The following SNRPD1 variants were observed in gnomAD, a reference collection of about 807,000 sequenced individuals.
SNRPD1 encodes the protein small nuclear ribonucleoprotein D1 polypeptide, also known as small nuclear ribonucleoprotein Sm D1.
In SNRPD1, 1 loss-of-function variant was observed where a neutral mutation model predicts 14.4. That is an observed-to-expected ratio of 0.07 (90% CI 0.02 to 0.33). The LOEUF (loss-of-function observed/expected upper bound fraction) is 0.33. Among genes scored for constraint, SNRPD1 ranks in the 10% least tolerant of loss-of-function variants. The pLI is 1.00. For synonymous variants in SNRPD1, 42 were observed against 50.3 expected (o/e 0.83, Z 0.70); for missense variants, 52 against 146.4 (o/e 0.36, Z 3.33).
chr18:21,625,316 A>ATTTTTTTTTTTTTTT lies in SNRPD1; in HGVS notation c.283+1380_283+1394dup, dbSNP rs144395165. On this transcript the variant is annotated intron_variant, in intron 3 of 3. Transcript: ENST00000300413. ...TCTATTTAAAATTTTGTTGAAAAAA[A>ATTTTTTTTTTTTTTT]TTTTTTTTTTTTTTTTTGAGATGGA... is the stretch of plus-strand genomic sequence containing the variant. Among the ~76,000 whole-genome samples, 253 of 108,996 alleles carry ATTTTTTTTTTTTTTT rather than the reference A, an allele frequency of 2.3e-3. 18 individuals are homozygous for ATTTTTTTTTTTTTTT. The highest frequency in any genetic ancestry group is 7.5e-3 in the African/African-American group (151 of 20,048). 71.5% of individuals were successfully genotyped at this position (108,996 alleles called of 152,430 possible).
At position 21,629,285 on chromosome 18, in the gene SNRPD1, C is replaced by T. The variant is rs1319939259; in HGVS notation, c.*147C>T. On this transcript the variant is annotated 3_prime_UTR_variant, in exon 4 of 4. Transcript: ENST00000300413. ...GTTTTAGTAGTTTCCTCCACATTCACGAAATTACCACAGTGAGAGCTAAGC... is the reference window on the plus strand; with the variant it reads ...GTTTTAGTAGTTTCCTCCACATTCATGAAATTACCACAGTGAGAGCTAAGC... The T allele has an allele frequency of 2.1e-5, 13 of 615,074 alleles. No homozygotes were observed. Among genetic ancestry groups the T allele is most frequent in the Middle Eastern group, 4.8e-4 (1 of 2,102 alleles). 38.1% of individuals were successfully genotyped at this position (615,074 alleles called of 1,614,324 possible).
rs144395165 is a variant in SNRPD1 at position 21,625,316 on chromosome 18, A to ATTTTTTTTT, written c.283+1386_283+1394dup. ...TCTATTTAAAATTTTGTTGAAAAAA[A>ATTTTTTTTT]TTTTTTTTTTTTTTTTTGAGATGGA... On this transcript the variant is annotated intron_variant, in intron 3 of 3. Coordinates refer to ENST00000300413, the MANE Select transcript of SNRPD1 (RefSeq NM_006938.4). 6.9e-3 allele frequency among the ~76,000 whole-genome samples: 747 copies of ATTTTTTTTT among 108,998 alleles called. 61 individuals are homozygous for ATTTTTTTTT. The highest frequency in any genetic ancestry group is 0.034 in the African/African-American group (678 of 19,988). The allele number at this position is 108,998 out of a possible 152,430, so 71.5% of individuals were successfully genotyped here.
chr18:21,621,037 G>A (rs537370297), intron 1 of SNRPD1, among the ~76,000 whole-genome samples: 3 of 151,884 alleles, frequency 2.0e-5, no homozygotes, highest in Non-Finnish European at 4.4e-5. Context: ...GTGTGGTGGC[G>A]AGCGCCTGTA....
In SNRPD1 at chr18:21,633,496, CTG is replaced by C. The variant is rs1481834453; in HGVS notation, c.*4361_*4362del. The C allele has an allele frequency of 2.0e-5, 3 of 151,976 alleles. No individual in the cohort carries two copies. Among genetic ancestry groups the C allele is most frequent in the African/African-American group, 7.2e-5 (3 of 41,384 alleles). 9.4% of individuals were successfully genotyped at this position (151,976 alleles called of 1,614,324 possible). ...TTATTAATGTGAAATTCTTGTGGATCTGTGAAATAAAGAGGAGTACTTTCTTT... is the reference window on the plus strand; with the variant it reads ...TTATTAATGTGAAATTCTTGTGGATCTGAAATAAAGAGGAGTACTTTCTTT... On this transcript the variant is annotated 3_prime_UTR_variant, in exon 4 of 4. Coordinates refer to ENST00000300413, the MANE Select transcript of SNRPD1 (RefSeq NM_006938.4).
intron 1 of SNRPD1, among the ~76,000 whole-genome samples, chr18:21,621,028 T>C (rs1480242421): frequency 6.0e-5 from 9 of 150,564 alleles, no homozygotes; most frequent in African/African-American, 2.2e-4. Flanking sequence ...ATTAGCCAGG[T>C]GTGGTGGCGA....
At chr18:21,621,520 C>G (rs2038997816) in intron 1 of SNRPD1, among the ~76,000 whole-genome samples, 2 of 152,172 alleles carry the variant, frequency 1.3e-5, no homozygotes, top group African/African-American at 4.8e-5. Context: ...CATGCCCCAG[C>G]CTTCCAAGTA....
rs767674119 is a variant in SNRPD1 at position 21,623,957 on chromosome 18, T to G, written c.283+18T>G. 7 of 1,521,932 alleles carry G rather than the reference T, an allele frequency of 4.6e-6. No homozygotes were observed. 94.3% of individuals were successfully genotyped at this position (1,521,932 alleles called of 1,614,324 possible). A position where few individuals can be genotyped will look rare whatever the true frequency, so the allele number is the denominator to read the frequency against. On this transcript the variant is annotated intron_variant, in intron 3 of 3. Coordinates refer to ENST00000300413, the MANE Select transcript of SNRPD1 (RefSeq NM_006938.4). Reference sequence around the variant, plus strand: ...GGAAGCTGGTAAGTTTGAAGGATTATAAACATTTTTGTGAATGCTAATCCT... The same window carrying G: ...GGAAGCTGGTAAGTTTGAAGGATTAGAAACATTTTTGTGAATGCTAATCCT...
chr18:21,629,006 T>A, intron 3 of SNRPD1, 56 bp from the exon 4 acceptor site: 1 of 1,295,084 alleles, frequency 7.7e-7, no homozygotes, highest in Non-Finnish European at 1.1e-6. Flanking sequence ...TTGTGGTGTC[T>A]AGGTAACATT....
At chr18:21,625,978 T>C (rs141257900) in intron 3 of SNRPD1, among the ~76,000 whole-genome samples, 54 of 152,328 alleles carry the variant, frequency 3.5e-4, no homozygotes, top group African/African-American at 1.3e-3. Flanking sequence ...TTTTTGTTCC[T>C]TTTCTATCAT....
At chr18:21,614,595 C>G (rs1185135050) in intron 1 of SNRPD1, among the ~76,000 whole-genome samples, 1 of 152,166 alleles carries the variant, frequency 6.6e-6, no homozygotes, top group African/African-American at 2.4e-5. Flanking sequence ...CTCACTGTCA[C>G]CCTAACCAAA....
Position 21,631,030 on chromosome 18 carries a change from C to T in SNRPD1, c.*1892C>T, listed in dbSNP as rs753556591. 2.6e-5 allele frequency: 4 copies of T among 151,420 alleles called. No homozygotes were observed. Among genetic ancestry groups the T allele is most frequent in the Middle Eastern group, 3.4e-3 (1 of 292 alleles). 9.4% of individuals were successfully genotyped at this position (151,420 alleles called of 1,614,324 possible). A position where few individuals can be genotyped will look rare whatever the true frequency, so the allele number is the denominator to read the frequency against. The stretch of plus-strand genomic sequence containing the variant: ...GTCATTGAAGTTATATAGTAATTAG[C>T]GTTTTTTCCCCCACAAATTATTGGC... On this transcript the variant is annotated 3_prime_UTR_variant, in exon 4 of 4. Coordinates refer to ENST00000300413, the MANE Select transcript of SNRPD1 (RefSeq NM_006938.4).
intron 1 of SNRPD1, among the ~76,000 whole-genome samples, chr18:21,615,337 C>T (rs750195465): frequency 6.6e-6 from 1 of 152,022 alleles, no homozygotes; most frequent in Non-Finnish European, 1.5e-5. Context: ...TATTTTAGGC[C>T]GGGCGCAGTG....
At position 21,631,350 on chromosome 18, in the gene SNRPD1, A is replaced by G. The variant is rs887678471; in HGVS notation, c.*2212A>G. On this transcript the variant is annotated 3_prime_UTR_variant, in exon 4 of 4. Transcript: ENST00000300413. ...TTTCACCATGTTGGCCAGACTTAAG[A>G]CAATTCTTTAATAGTAAATATATTA... 2 of 148,364 alleles carry G rather than the reference A, an allele frequency of 1.3e-5. No individual in the cohort carries two copies. The highest frequency in any genetic ancestry group is 2.5e-5 in the African/African-American group (1 of 40,056). The allele number at this position is 148,364 out of a possible 1,614,324, so 9.2% of individuals were successfully genotyped here.
intron 3 of SNRPD1, among the ~76,000 whole-genome samples, chr18:21,625,622 T>C (rs564235045): frequency 6.6e-6 from 1 of 151,618 alleles, no homozygotes; most frequent in Non-Finnish European, 1.5e-5. Context: ...AGCCGAAATC[T>C]TTTTTTGAGA....
intron 1 of SNRPD1, among the ~76,000 whole-genome samples, chr18:21,614,205 T>G (rs1445309622): frequency 6.6e-6 from 1 of 152,086 alleles, no homozygotes; most frequent in Non-Finnish European, 1.5e-5. Flanking sequence ...CCTGGGAGGT[T>G]GCAGTGAGCT....
chr18:21,622,982 A>G (rs1337057120), intron 2 of SNRPD1, among the ~76,000 whole-genome samples, 181 bp downstream of exon 2: 1 of 148,900 alleles, frequency 6.7e-6, no homozygotes, highest in Non-Finnish European at 1.5e-5. Flanking sequence ...GCCGGAGTGC[A>G]GTGGCACGAT....
At chr18:21,627,434 G>GTTTTTTT (rs71178190) in intron 3 of SNRPD1, among the ~76,000 whole-genome samples, 1 of 97,368 alleles carries the variant, frequency 1.0e-5, no homozygotes. Context: ...CTTTTCTTGG[G>GTTTTTTT]TTTTTTTTTT....
Position 21,632,627 on chromosome 18 carries a change from G to A in SNRPD1, c.*3489G>A, listed in dbSNP as rs2039092660. 6.6e-6 allele frequency: 1 copy of A among 151,988 alleles called. No individual in the cohort carries two copies. The highest frequency in any genetic ancestry group is 6.6e-5 in the Admixed American group (1 of 15,214). The allele number at this position is 151,988 out of a possible 1,614,324, so 9.4% of individuals were successfully genotyped here. On this transcript the variant is annotated 3_prime_UTR_variant, in exon 4 of 4. Transcript: ENST00000300413. Reference sequence around the variant, plus strand: ...CCATGTGAAAGGGCTAAAATTGGGTGAAGAAAAAGCTATTTGAACTGATTA... The same window carrying A: ...CCATGTGAAAGGGCTAAAATTGGGTAAAGAAAAAGCTATTTGAACTGATTA...
chr18:21,622,929 A>C (rs1443310759), intron 2 of SNRPD1, 128 bp downstream of exon 2: 1 of 393,528 alleles, frequency 2.5e-6, no homozygotes, highest in South Asian at 5.2e-5. Flanking sequence ...GAATTATGTA[A>C]TTTTTTTTTT....
Sources: gnomAD v4.1 joint callset for allele counts (sites outside exome capture counted in the v4.1 genomes callset) on GRCh38, gnomAD v4.1.1 for gene constraint, MANE v1.5 for transcripts, NCBI Gene and HGNC (gene_info 2026-07-23, HGNC 2026-07-21) for gene names.